Variants in PCNT observed in about 807,000 individuals in gnomAD.
PCNT encodes pericentrin.
Under a neutral mutation model 380.4 loss-of-function variants are expected in PCNT, and 319 were observed. That is an observed-to-expected ratio of 0.84 (90% CI 0.77 to 0.92). PCNT has a LOEUF of 0.92. Ranked by LOEUF, PCNT falls within the 40% of genes least tolerant of loss-of-function variation. The pLI is 0.00. For missense variants in PCNT, 4,400 were observed against 4,255.3 expected (o/e 1.03, Z -0.95); for synonymous variants, 1,845 against 1,735.2 (o/e 1.06, Z -1.57).
At chr21:46,429,447 A>ACGGG (rs1352598394) in intron 35 of PCNT, among the ~76,000 whole-genome samples, 1 of 105,698 alleles carries the variant, frequency 9.5e-6, no homozygotes, top group Admixed American at 9.4e-5. Context: ...CGTGAGGGGC[A>ACGGG]CAGGGGGGCC....
rs909079813 is a variant in PCNT, at chr21:46,355,367, T to G, written c.1762-85T>G. ...GTGAGGTTTGAGTTTTCTTTGTGCA[T>G]AGCAGGAAACACCTTTGAGGGTTAT... On this transcript the variant is annotated intron_variant, in intron 11 of 46. Coordinates refer to ENST00000359568, the MANE Select transcript of PCNT (RefSeq NM_006031.6). 6.4e-6 allele frequency: 9 copies of G among 1,409,616 alleles called. No individual in the cohort carries two copies. In the African/African-American group the frequency reaches 1.1e-4, roughly 18 times the overall value. The allele number at this position is 1,409,616 out of a possible 1,614,324, so 87.3% of individuals were successfully genotyped here.
chr21:46,347,640 G>C (rs2084116730), intron 6 of PCNT, 128 bp downstream of exon 6: 1 of 841,178 alleles, frequency 1.2e-6, no homozygotes, highest in Non-Finnish European at 2.0e-6. Context: ...AGAATATGCT[G>C]GTTGAAAGTG....
At chr21:46,379,549 A>C (rs975296998) in intron 15 of PCNT, among the ~76,000 whole-genome samples, 6 of 151,960 alleles carry the variant, frequency 3.9e-5, no homozygotes, top group Non-Finnish European at 5.9e-5. Context: ...TCGTGTCTTC[A>C]AGGGTTCCTC....
At chr21:46,326,333 C>G (rs1003282478) in intron 1 of PCNT, 44 bp from the exon 2 acceptor site, 1 of 1,588,180 alleles carries the variant, frequency 6.3e-7, no homozygotes, top group Admixed American at 1.7e-5. Flanking sequence ...TTATTTTTTT[C>G]TCACTTACCT....
intron 15 of PCNT, among the ~76,000 whole-genome samples, chr21:46,379,771 A>G (rs1488213066): frequency 6.6e-6 from 1 of 152,040 alleles, no homozygotes; most frequent in African/African-American, 2.4e-5. Context: ...TCAGCTCCAG[A>G]TGTCAAGGGA....
Position 46,324,299 on chromosome 21 carries a change from T to G in PCNT, c.54+17T>G. ...AGGACGAAGGTAAACATTAGGGGCT[T>G]CTTCTCTAGCTGCTCTGGCGTGAAG... On this transcript the variant is annotated intron_variant, in intron 1 of 46. Coordinates refer to ENST00000359568, the MANE Select transcript of PCNT (RefSeq NM_006031.6). 2.5e-6 allele frequency: 4 copies of G among 1,598,510 alleles called. No homozygotes were observed. The highest frequency in any genetic ancestry group is 1.7e-5 in the Admixed American group (1 of 58,770).
intron 44 of PCNT, chr21:46,443,267 G>C (rs924466939): frequency 6.1e-6 from 1 of 162,986 alleles, no homozygotes; most frequent in African/African-American, 2.4e-5. Context: ...ATCCAGGCTC[G>C]AGTGCAATGG....
At chr21:46,357,296 C>T (rs1312656596) in intron 13 of PCNT, 105 bp downstream of exon 13, 7 of 830,524 alleles carry the variant, frequency 8.4e-6, no homozygotes, top group East Asian at 2.4e-5. Flanking sequence ...GGGGACAGCC[C>T]AGTGCTGTAC....
Position 46,438,297 on chromosome 21 carries a change from A to G in PCNT, c.9233A>G (p.Lys3078Arg), listed in dbSNP as rs772821527. 91 of 1,614,086 alleles carry G rather than the reference A, an allele frequency of 5.6e-5. No individual in the cohort carries two copies. In the South Asian group the frequency reaches 6.5e-4, roughly 11 times the overall value. The change falls in exon 41 of 47, where the codon AAG (lysine) becomes AGG (arginine). Residue 3078 changes from lysine to arginine, a missense_variant. Lys to Arg is a conservative substitution (Grantham distance 26, BLOSUM62 2). Transcript: ENST00000359568. ...ELSRAVSKLEKLLKHHLQKGC... is the reference protein window; with the variant it reads ...ELSRAVSKLERLLKHHLQKGC... ...AGCAGAGCCGTGTCTAAGCTTGAGA[A>G]GTTGCTGAAGCACCATCTGCAGAAG...
Position 46,367,073 on chromosome 21 carries a change from C to T in PCNT, c.3099C>T (p.His1033=). The change falls in exon 15 of 47, where the codon CAC becomes CAT. Residue 1033 remains histidine, a synonymous_variant. Transcript: ENST00000359568. ...GGGAGCTACAGTCTGTGCGGGACCA[C>T]CTGCGAACCGAAGTGAGCACAGAGC... ...HEGELQSVRD[H]LRTEVSTELA... 1.2e-6 allele frequency: 2 copies of T among 1,613,952 alleles called. No homozygotes were observed. Among genetic ancestry groups the T allele is most frequent in the Non-Finnish European group, 1.7e-6 (2 of 1,180,030 alleles).
At chr21:46,360,213 A>AT (rs71318070) in intron 13 of PCNT, among the ~76,000 whole-genome samples, 29,604 of 82,024 alleles carry the variant, frequency 0.36, 7,109 homozygotes, top group African/African-American at 0.56. Flanking sequence ...ATAGTTGGCA[A>AT]TTTTTTTTTT....
chr21:46,334,690 C>T lies in PCNT; in HGVS notation c.561C>T (p.Val187=). 1 of 1,611,970 alleles carries T rather than the reference C, an allele frequency of 6.2e-7. No individual in the cohort carries two copies. Among genetic ancestry groups the T allele is most frequent in the Non-Finnish European group, 8.5e-7 (1 of 1,179,282 alleles). Residue 187 remains valine, a synonymous_variant, in exon 3 of 47, where the codon GTC becomes GTT. Transcript: ENST00000359568. ...HQPEQRGMFT[V]SDHTPEQRGI... is the part of the protein sequence containing the mutation. Reference sequence around the variant, plus strand: ...CGGAACAGCGTGGGATGTTCACAGTCAGTGACCACACACCAGAACAGCGTG... The same window carrying T: ...CGGAACAGCGTGGGATGTTCACAGTTAGTGACCACACACCAGAACAGCGTG...
chr21:46,438,192 A>T lies in PCNT; in HGVS notation c.9128A>T (p.Gln3043Leu), dbSNP rs747647379. 23 of 1,614,036 alleles carry T rather than the reference A, an allele frequency of 1.4e-5. No individual in the cohort carries two copies. The highest frequency in any genetic ancestry group is 1.9e-5 in the Non-Finnish European group (22 of 1,179,970). The change falls in exon 41 of 47, where the codon CAG becomes CTG. Residue 3043 changes from glutamine (Q) to leucine (L), a missense_variant. Transcript: ENST00000359568. ...AAAATGGCAGCAGAGCTGCAGTTCC[A>T]GTTTGTGGACGTCCTGCTGAAAGAC... is the stretch of plus-strand genomic sequence containing the variant. ...QKKMAAELQF[Q>L]FVDVLLKDNV...
chr21:46,432,362 T>A, intron 38 of PCNT, 147 bp downstream of exon 38: 2 of 749,436 alleles, frequency 2.7e-6, no homozygotes, highest in Non-Finnish European at 4.5e-6. Context: ...GGCACCACAC[T>A]GCTGTTACTG....
rs73909505 is a variant in PCNT, at chr21:46,412,298, C to T, written c.5994+231C>T. On this transcript the variant is annotated intron_variant, in intron 28 of 46. Transcript: ENST00000359568. ...CTGTTTTGTACCATTTTAAGCTTAT[C>T]GTTTTAAGCTTTTAAAAACAATTCT... Among the ~76,000 whole-genome samples, 26,996 of 152,124 alleles carry T rather than the reference C, an allele frequency of 0.18. 4,445 individuals carry two copies. Among genetic ancestry groups the T allele is most frequent in the African/African-American group, 0.44 (18,132 of 41,436 alleles).
chr21:46,440,224 T>A, intron 42 of PCNT, 22 bp downstream of exon 42: 1 of 1,613,296 alleles, frequency 6.2e-7, no homozygotes. Context: ...GCCACGAGTA[T>A]AGAACTTTGG....
chr21:46,395,981 A>G (rs2086196527), intron 21 of PCNT, among the ~76,000 whole-genome samples: 1 of 148,686 alleles, frequency 6.7e-6, no homozygotes, highest in Non-Finnish European at 1.5e-5. Flanking sequence ...CCATCTCAGA[A>G]ATAATAGTAA....
At chr21:46,405,780 TCTAA>T (rs2147579326) in intron 27 of PCNT, among the ~76,000 whole-genome samples, 1 of 152,352 alleles carries the variant, frequency 6.6e-6, no homozygotes, top group Non-Finnish European at 1.5e-5. Context: ...GAACTTGACC[TCTAA>T]CTATAATCTT....
chr21:46,385,679 G>A (rs554510342), intron 16 of PCNT, among the ~76,000 whole-genome samples, 153 bp from the exon 17 acceptor site: 1 of 152,212 alleles, frequency 6.6e-6, no homozygotes, highest in Non-Finnish European at 1.5e-5. Context: ...GTCGAGGAAC[G>A]TGCCGAAGTG....
Sources: allele counts gnomAD v4.1 joint callset (sites outside exome capture counted in the v4.1 genomes callset), GRCh38; gene constraint gnomAD v4.1.1; transcripts MANE v1.5; gene names NCBI Gene and HGNC (gene_info 2026-07-23, HGNC 2026-07-21).